ATP1A4: variants seen among roughly 807,000 people sequenced by gnomAD.
ATP1A4 encodes the protein sodium/potassium-transporting ATPase subunit alpha-4.
In ATP1A4, 90 loss-of-function variants were observed where a neutral mutation model predicts 114.3. The ratio of observed to expected loss-of-function variants is 0.79; its 90% CI spans 0.66 to 0.94. ATP1A4 has a LOEUF of 0.94. Ranked by LOEUF, ATP1A4 falls within the 40% of genes least tolerant of loss-of-function variation. ATP1A4 has a pLI of 0.00. For missense variants in ATP1A4, 1,222 were observed against 1,313.6 expected (o/e 0.93, Z 1.08); for synonymous variants, 511 against 494.1 (o/e 1.03, Z -0.45).
At chr1:160,179,224 T>C (rs1456112465) in intron 18 of ATP1A4, among the ~76,000 whole-genome samples, 1 of 152,170 alleles carries the variant, frequency 6.6e-6, no homozygotes, top group Non-Finnish European at 1.5e-5. Flanking sequence ...CCATCAGATG[T>C]CAATATTCCC....
chr1:160,173,994 C>A, intron 13 of ATP1A4, 117 bp from the exon 14 acceptor site: 2 of 1,300,434 alleles, frequency 1.5e-6, no homozygotes, highest in South Asian at 1.5e-5. Context: ...GGGCTAGGGA[C>A]AAGTGAGGAG....
chr1:160,186,530 C>A, intron 21 of ATP1A4, 141 bp from the exon 22 acceptor site: 1 of 1,096,482 alleles, frequency 9.1e-7, no homozygotes. Flanking sequence ...TTGGCTGCAC[C>A]CCTCTGCTCC....
chr1:160,181,648 T>C (rs1377121745), intron 18 of ATP1A4, 36 bp from the exon 19 acceptor site: 1 of 1,612,450 alleles, frequency 6.2e-7, no homozygotes, highest in South Asian at 1.1e-5. Context: ...CAGAATCCCC[T>C]TCTGACACTG....
intron 18 of ATP1A4, among the ~76,000 whole-genome samples, chr1:160,178,761 C>G (rs1159145176): frequency 6.6e-6 from 1 of 152,188 alleles, no homozygotes; most frequent in African/African-American, 2.4e-5. Flanking sequence ...CTAGAGGATA[C>G]CTCTCTATAG....
rs2101628571 is a variant in ATP1A4, at chr1:160,159,453, C to A, written c.705C>A (p.Arg235=). ...CTGGGGAGTCAGAACCCCAGAGCCG[C>A]TCCCCTGACTTCACCCATGAGAACC... The part of the protein sequence containing the change: ...SLTGESEPQS[R]SPDFTHENPL... Residue 235 remains arginine, a synonymous_variant, in exon 6 of 22, where the codon CGC becomes CGA. Transcript: ENST00000368081. 1 of 1,614,048 alleles carries A rather than the reference C, an allele frequency of 6.2e-7. No homozygotes were observed. The highest frequency in any genetic ancestry group is 1.3e-5 in the African/African-American group (1 of 75,034).
chr1:160,174,331 C>G (rs1571028801), intron 14 of ATP1A4, 70 bp downstream of exon 14: 4 of 1,597,476 alleles, frequency 2.5e-6, no homozygotes, highest in East Asian at 2.2e-5. Flanking sequence ...CCAAACCAAG[C>G]AGAGGAACAT....
intron 1 of ATP1A4, 82 bp downstream of exon 1, chr1:160,152,269 G>A: frequency 6.8e-7 from 1 of 1,470,256 alleles, no homozygotes; most frequent in Non-Finnish European, 9.1e-7. Context: ...CCTTGAGAAT[G>A]AAACACACAG....
intron 11 of ATP1A4, 32 bp downstream of exon 11, chr1:160,171,472 A>G (rs773020633): frequency 6.2e-7 from 1 of 1,609,822 alleles, no homozygotes; most frequent in Non-Finnish European, 8.5e-7. Context: ...TTTTAAAAGA[A>G]TGGCATCAAA....
Position 160,167,889 on chromosome 1 carries a change from G to A in ATP1A4, c.1491+477G>A, listed in dbSNP as rs543600441. ...TTCTAGTGACTGCCAGCGGGTAGGCGATCAGGAGTCTCTGCCTCCATTGGC... is the reference window on the plus strand; with the variant it reads ...TTCTAGTGACTGCCAGCGGGTAGGCAATCAGGAGTCTCTGCCTCCATTGGC... On this transcript the variant is annotated intron_variant, in intron 10 of 21. Coordinates refer to ENST00000368081, the MANE Select transcript of ATP1A4 (RefSeq NM_144699.4). Among the ~76,000 whole-genome samples, 47 of 152,314 alleles carry A rather than the reference G, an allele frequency of 3.1e-4. 1 individual carries two copies. In the South Asian group the frequency reaches 8.3e-3, roughly 27 times the overall value.
At chr1:160,167,537 T>A in intron 10 of ATP1A4, 125 bp downstream of exon 10, 3 of 1,322,870 alleles carry the variant, frequency 2.3e-6, no homozygotes, top group African/African-American at 1.5e-5. Flanking sequence ...AGAACCTGCA[T>A]CCCAATTAAC....
chr1:160,152,274 A>T, intron 1 of ATP1A4, 87 bp downstream of exon 1: 2 of 1,429,908 alleles, frequency 1.4e-6, no homozygotes, highest in Non-Finnish European at 9.4e-7. Context: ...AGAATGAAAC[A>T]CACAGGCCAG....
At chr1:160,174,468 CA>C in intron 14 of ATP1A4, 110 bp from the exon 15 acceptor site, 1 of 1,494,684 alleles carries the variant, frequency 6.7e-7, no homozygotes, top group East Asian at 2.3e-5. Context: ...AGCCCTAAAT[CA>C]AGCATGATTA....
chr1:160,151,869 C>A lies in ATP1A4; in HGVS notation c.-172C>A. On this transcript the variant is annotated 5_prime_UTR_variant, in exon 1 of 22. Coordinates refer to ENST00000368081, the MANE Select transcript of ATP1A4 (RefSeq NM_144699.4). ...TCTCACTTCCCTTCCTCTCTCTCAC[C>A]TTCACCACCCAACACCTCCCTCCCT... The A allele has an allele frequency of 1.5e-6, 1 of 676,510 alleles. No homozygotes were observed. Among genetic ancestry groups the A allele is most frequent in the Non-Finnish European group, 2.4e-6 (1 of 418,348 alleles). 41.9% of individuals were successfully genotyped at this position (676,510 alleles called of 1,614,324 possible). A position where few individuals can be genotyped will look rare whatever the true frequency, so the allele number is the denominator to read the frequency against.
At chr1:160,166,813 C>A in intron 8 of ATP1A4, 87 bp downstream of exon 8, 2 of 1,566,000 alleles carry the variant, frequency 1.3e-6, no homozygotes, top group Non-Finnish European at 1.7e-6. Context: ...TCCAGACAGA[C>A]AGGAGGGAGC....
rs1273689485 is a variant in ATP1A4 at position 160,177,514 on chromosome 1, C to T, written c.2591-5C>T. 2 of 1,613,758 alleles carry T rather than the reference C, an allele frequency of 1.2e-6. No homozygotes were observed. The highest frequency in any genetic ancestry group is 8.5e-7 in the Non-Finnish European group (1 of 1,179,916). ...TCCCCTGTCCTGCAACTCTGTCATT[C>T]ACAGGGATGATCCAGGCTCTGGCTG... On this transcript the variant is annotated splice_polypyrimidine_tract_variant and splice_region_variant and intron_variant, in intron 17 of 21. Transcript: ENST00000368081.
intron 18 of ATP1A4, among the ~76,000 whole-genome samples, chr1:160,180,973 CA>C (rs1262763967): frequency 1.3e-5 from 2 of 152,032 alleles, no homozygotes; most frequent in African/African-American, 4.8e-5. Flanking sequence ...CTCGGCCTCC[CA>C]AAGTGCTGGG....
In ATP1A4 at chr1:160,173,683, C is replaced by T. The variant is rs144511687; in HGVS notation, c.1957C>T (p.Arg653Trp). 4.0e-5 allele frequency: 64 copies of T among 1,614,094 alleles called. No individual in the cohort carries two copies. The East Asian group carries it at 6.5e-4, about 16-fold the overall frequency. ...GTETAEEVAA[R>W]LKIPISKVDA... Reference sequence around the variant, plus strand: ...TGAGACGGCAGAGGAAGTCGCTGCCCGGCTTAAGATCCCTATCAGCAAGGT... The same window carrying T: ...TGAGACGGCAGAGGAAGTCGCTGCCTGGCTTAAGATCCCTATCAGCAAGGT... Residue 653 changes from arginine to tryptophan, a missense_variant, in exon 13 of 22, where the codon CGG becomes TGG. Transcript: ENST00000368081.
Position 160,166,530 on chromosome 1 carries a change from G to A in ATP1A4, c.1050G>A (p.Val350=), listed in dbSNP as rs766954591. ...VPEGLLATVT[V]CLTLTAKRMA... is the part of the protein sequence containing the mutation. ...CTCTCCTCTCTTCTTGGCTTTAGGTGTGCCTGACCCTCACAGCCAAGCGCA... is the reference window on the plus strand; with the variant it reads ...CTCTCCTCTCTTCTTGGCTTTAGGTATGCCTGACCCTCACAGCCAAGCGCA... Residue 350 remains valine (V), a splice_region_variant and synonymous_variant, in exon 8 of 22, where the codon GTG becomes GTA. Transcript: ENST00000368081. 6.2e-7 allele frequency: 1 copy of A among 1,614,102 alleles called. No homozygotes were observed. The highest frequency in any genetic ancestry group is 1.3e-5 in the African/African-American group (1 of 74,932).
At chr1:160,178,628 T>C (rs1339143121) in intron 18 of ATP1A4, among the ~76,000 whole-genome samples, 2 of 152,068 alleles carry the variant, frequency 1.3e-5, no homozygotes, top group Admixed American at 6.6e-5. Flanking sequence ...TGAGCCAAGA[T>C]TGCACCACTG....
Sources: allele counts gnomAD v4.1 joint callset (sites outside exome capture counted in the v4.1 genomes callset), GRCh38; gene constraint gnomAD v4.1.1; transcripts MANE v1.5; gene names NCBI Gene and HGNC (gene_info 2026-07-23, HGNC 2026-07-21).